PTPN4: variants seen among roughly 807,000 people sequenced by gnomAD.
The protein encoded by PTPN4 is tyrosine-protein phosphatase non-receptor type 4.
A neutral mutation model predicts 135.5 loss-of-function variants in PTPN4; 49 were observed. The ratio of observed to expected loss-of-function variants is 0.36; its 90% confidence interval spans 0.29 to 0.46. The LOEUF is 0.46. Ranked by LOEUF, PTPN4 falls within the 20% of genes least tolerant of loss-of-function variation. PTPN4 has a pLI of 1.00. For synonymous variants in PTPN4, 333 were observed against 369.9 expected, an observed-to-expected ratio of 0.90 and a Z score of 1.14; for missense variants, 860 against 1,101.0, an observed-to-expected ratio of 0.78 and a Z score of 3.10.
intron 2 of PTPN4, among the ~76,000 whole-genome samples, chr2:119,828,769 ATTTTCCCAACATCTTTTCACTTGC>A (rs888392913): frequency 3.3e-5 from 5 of 152,114 alleles, no homozygotes; most frequent in Non-Finnish European, 7.4e-5. Context: ...CTGTTAGTGA[ATTTTCCCAACATCTTTTCACTTGC>A]TTTTCCCAAC....
At chr2:119,892,735 CTTTT>C (rs943726928) in intron 9 of PTPN4, among the ~76,000 whole-genome samples, 1 of 143,252 alleles carries the variant, frequency 7.0e-6, no homozygotes, top group African/African-American at 2.6e-5. Flanking sequence ...TTCTTTCTTT[CTTTT>C]GAGGCAGAGT....
chr2:119,782,740 C>T (rs1690965490), intron 1 of PTPN4, among the ~76,000 whole-genome samples: 1 of 118,256 alleles, frequency 8.5e-6, no homozygotes, highest in African/African-American at 3.2e-5. Context: ...CGACCTCACT[C>T]TGTCATCCAG....
intron 2 of PTPN4, among the ~76,000 whole-genome samples, chr2:119,854,157 A>C (rs909586375): frequency 6.6e-6 from 1 of 152,136 alleles, no homozygotes; most frequent in Admixed American, 6.5e-5. Flanking sequence ...GCCTTTTAAT[A>C]TGCAAATGCA....
intron 2 of PTPN4, among the ~76,000 whole-genome samples, chr2:119,825,585 TC>T (rs1293317502): frequency 6.8e-6 from 1 of 146,354 alleles, no homozygotes; most frequent in African/African-American, 2.5e-5. Context: ...AACCTTCACC[TC>T]CCAGGTTCAG....
At chr2:119,905,306 A>G (rs1240199524) in intron 10 of PTPN4, among the ~76,000 whole-genome samples, 2 of 152,200 alleles carry the variant, frequency 1.3e-5, no homozygotes, top group Non-Finnish European at 2.9e-5. Context: ...GAAAAATCCC[A>G]TGTAAATGGA....
chr2:119,923,000 T>C (rs780469608), intron 12 of PTPN4, among the ~76,000 whole-genome samples: 6 of 152,228 alleles, frequency 3.9e-5, no homozygotes, highest in South Asian at 2.1e-4. Flanking sequence ...TATGTAATAA[T>C]GTTGCTTCTC....
At position 119,855,995 on chromosome 2, in the gene PTPN4, G is replaced by A. The variant is rs547989877; in HGVS notation, c.139-6541G>A. On this transcript the variant is annotated intron_variant, in intron 2 of 26. Transcript: ENST00000263708. ...AATTTTTTGTATTTTTAGTGGAGAC[G>A]GGGTTTTACTGTGTTAGCCAGGATG... 8.6e-5 allele frequency among the ~76,000 whole-genome samples: 13 copies of A among 151,988 alleles called. No individual in the cohort carries two copies. The South Asian group carries it at 1.5e-3, about 17-fold the overall frequency.
At chr2:119,883,636 C>A (rs1678112820) in intron 8 of PTPN4, among the ~76,000 whole-genome samples, 1 of 152,166 alleles carries the variant, frequency 6.6e-6, no homozygotes, top group African/African-American at 2.4e-5. Context: ...GCCAGACTGC[C>A]TGGTTTGAAA....
intron 2 of PTPN4, among the ~76,000 whole-genome samples, chr2:119,848,818 C>A (rs889721290): frequency 1.3e-5 from 2 of 151,922 alleles, no homozygotes; most frequent in Non-Finnish European, 2.9e-5. Context: ...TCAGGCTGGT[C>A]TCAAACTTCT....
chr2:119,888,381 A>G (rs1678190750), intron 9 of PTPN4, among the ~76,000 whole-genome samples: 1 of 151,968 alleles, frequency 6.6e-6, no homozygotes, highest in African/African-American at 2.4e-5. Context: ...TTCCACTACT[A>G]TGTTGAATAA....
At chr2:119,956,700 C>G (rs548271416) in intron 20 of PTPN4, 144 bp from the exon 21 acceptor site, 408 of 1,373,666 alleles carry the variant, frequency 3.0e-4, no homozygotes, top group Middle Eastern at 2.3e-3. Context: ...CAGTACTCTA[C>G]TAGACTATGG....
chr2:119,869,894 C>G (rs1677886065), intron 3 of PTPN4, among the ~76,000 whole-genome samples: 1 of 152,148 alleles, frequency 6.6e-6, no homozygotes, highest in Admixed American at 6.5e-5. Flanking sequence ...CAGAGGAAAA[C>G]TTACCAAAAA....
At chr2:119,796,860 T>TTGTGTGTGTGTGTG (rs112883330) in intron 1 of PTPN4, among the ~76,000 whole-genome samples, 2 of 147,544 alleles carry the variant, frequency 1.4e-5, no homozygotes, top group African/African-American at 5.0e-5. Context: ...GTCACTGTTT[T>TTGTGTGTGTGTGTG]TGTGTGTGTG....
chr2:119,896,338 C>T (rs1678323338), intron 9 of PTPN4, among the ~76,000 whole-genome samples: 2 of 152,084 alleles, frequency 1.3e-5, no homozygotes, highest in Non-Finnish European at 2.9e-5. Context: ...CAGGTTGTTG[C>T]TTCTTCTCTT....
intron 24 of PTPN4, among the ~76,000 whole-genome samples, chr2:119,964,015 C>A (rs995805500): frequency 2.6e-5 from 4 of 152,140 alleles, no homozygotes; most frequent in Non-Finnish European, 5.9e-5. Flanking sequence ...AGTTCGCTCC[C>A]ATAAATACAT....
intron 5 of PTPN4, among the ~76,000 whole-genome samples, chr2:119,881,505 C>T (rs1193507565): frequency 7.9e-5 from 12 of 152,160 alleles, no homozygotes; most frequent in Admixed American, 7.9e-4. Context: ...AGTATTTCTC[C>T]CTCTGTCATG....
intron 8 of PTPN4, among the ~76,000 whole-genome samples, chr2:119,884,693 T>A (rs1236643776): frequency 6.6e-6 from 1 of 152,240 alleles, no homozygotes; most frequent in Non-Finnish European, 1.5e-5. Context: ...TATATCTATT[T>A]GGTTTAAGTA....
At chr2:119,915,137 T>C (rs1363198880) in intron 10 of PTPN4, 42 bp from the exon 11 acceptor site, 1 of 1,413,646 alleles carries the variant, frequency 7.1e-7, no homozygotes, top group Non-Finnish European at 9.5e-7. Flanking sequence ...AATATTTTTA[T>C]CATTATTCAA....
chr2:119,901,201 G>C (rs1257402538), intron 10 of PTPN4, among the ~76,000 whole-genome samples: 2 of 152,166 alleles, frequency 1.3e-5, no homozygotes, highest in African/African-American at 4.8e-5. Context: ...CCTAAGGAGG[G>C]GTTGACCTGA....
Sources: allele counts gnomAD v4.1 joint callset (sites outside exome capture counted in the v4.1 genomes callset), GRCh38; gene constraint gnomAD v4.1.1; transcripts MANE v1.5; gene names NCBI Gene and HGNC (gene_info 2026-07-23, HGNC 2026-07-21).